The following ARL15 variants were observed in gnomAD, a reference collection of about 807,000 sequenced individuals.
The protein encoded by ARL15 is ARF like GTPase 15.
A neutral mutation model predicts 25.2 loss-of-function variants in ARL15; 19 were observed. The observed-to-expected ratio is 0.75, with a 90% CI of 0.53 to 1.10. The LOEUF (loss-of-function observed/expected upper bound fraction) is 1.10, where lower values mean the gene tolerates loss of function less well. Among genes scored for constraint, ARL15 ranks in the 50% least tolerant of loss-of-function variants. The probability of loss-of-function intolerance (pLI) is 0.00; values close to 1 mark genes in which losing one functional copy is unlikely to be tolerated. For missense variants in ARL15, 220 were observed against 246.0 expected, an observed-to-expected ratio of 0.89 and a Z score of 0.71; for synonymous variants, 94 against 86.8, an observed-to-expected ratio of 1.08 and a Z score of -0.46.
At chr5:53,948,687 A>C (rs1746832951) in intron 4 of ARL15, among the ~76,000 whole-genome samples, 1 of 152,236 alleles carries the variant, frequency 6.6e-6, no homozygotes, top group Admixed American at 6.5e-5. Context: ...AAGACAGTTT[A>C]TTTGATATAT....
chr5:54,035,344 G>A (rs993909531), intron 4 of ARL15, among the ~76,000 whole-genome samples: 4 of 152,102 alleles, frequency 2.6e-5, no homozygotes, highest in Admixed American at 2.0e-4. Context: ...ATTAATGAAT[G>A]ACATGTAGGC....
intron 1 of ARL15, among the ~76,000 whole-genome samples, chr5:54,218,068 G>A (rs188806816): frequency 3.3e-5 from 5 of 152,218 alleles, no homozygotes; most frequent in Admixed American, 2.0e-4. Flanking sequence ...GCCATCTACC[G>A]ACAACTTTTA....
intron 4 of ARL15, among the ~76,000 whole-genome samples, chr5:53,905,607 A>G (rs1745223195): frequency 6.6e-6 from 1 of 152,180 alleles, no homozygotes; most frequent in Admixed American, 6.5e-5. Context: ...ATTTCTTTAG[A>G]GAGCAGGTAA....
intron 4 of ARL15, among the ~76,000 whole-genome samples, chr5:53,961,370 C>T (rs182958141): frequency 9.6e-4 from 145 of 151,778 alleles, no homozygotes; most frequent in Non-Finnish European, 1.5e-3. Flanking sequence ...TGGTGGCACA[C>T]GCCTGTAGTC....
chr5:54,240,214 G>A (rs540880241), intron 1 of ARL15, among the ~76,000 whole-genome samples: 51 of 146,020 alleles, frequency 3.5e-4, no homozygotes, highest in African/African-American at 9.1e-4. Context: ...GCGACAGAGC[G>A]AGACTCCATC....
At chr5:54,126,253 C>A (rs1334638160) in intron 3 of ARL15, among the ~76,000 whole-genome samples, 1 of 152,106 alleles carries the variant, frequency 6.6e-6, no homozygotes, top group Non-Finnish European at 1.5e-5. Flanking sequence ...TCCTGAGCAC[C>A]AATACTCTTA....
At chr5:54,011,997 G>C (rs1749258184) in intron 4 of ARL15, among the ~76,000 whole-genome samples, 1 of 145,364 alleles carries the variant, frequency 6.9e-6, no homozygotes, top group Admixed American at 7.0e-5. Context: ...AACAGAGCAA[G>C]ACTCTGTCTC....
intron 1 of ARL15, among the ~76,000 whole-genome samples, chr5:54,184,439 T>TAAAAAAA (rs527755025): frequency 1.4e-5 from 1 of 69,110 alleles, no homozygotes; most frequent in Non-Finnish European, 2.8e-5. Context: ...ACACTGTCTT[T>TAAAAAAA]AAAAAAAAAA....
chr5:54,037,361 G>C (rs1750201368), intron 4 of ARL15, among the ~76,000 whole-genome samples: 1 of 151,258 alleles, frequency 6.6e-6, no homozygotes, highest in Admixed American at 6.6e-5. Context: ...ATATGTCCAA[G>C]ATAAAGAAAA....
At chr5:53,972,032 A>T (rs1303672840) in intron 4 of ARL15, among the ~76,000 whole-genome samples, 1 of 152,216 alleles carries the variant, frequency 6.6e-6, no homozygotes, top group Non-Finnish European at 1.5e-5. Context: ...GTGAATATAG[A>T]TTTAAAAAGA....
chr5:54,143,721 T>TAAAA (rs59164988), intron 3 of ARL15, among the ~76,000 whole-genome samples: 1 of 151,150 alleles, frequency 6.6e-6, no homozygotes, highest in Non-Finnish European at 1.5e-5. Context: ...CTTTATGCTT[T>TAAAA]AAAAAAAAAG....
chr5:53,934,647 C>G (rs1746300691), intron 4 of ARL15, among the ~76,000 whole-genome samples: 1 of 152,122 alleles, frequency 6.6e-6, no homozygotes, highest in African/African-American at 2.4e-5. Context: ...ATGCGGTAGT[C>G]AAAAGACTTT....
At chr5:53,987,769 A>T (rs1207699328) in intron 4 of ARL15, among the ~76,000 whole-genome samples, 1 of 152,140 alleles carries the variant, frequency 6.6e-6, no homozygotes, top group Non-Finnish European at 1.5e-5. Context: ...TAGGCAACAC[A>T]GGGAGACCCC....
rs1202641397 is a variant in ARL15 at position 54,113,317 on chromosome 5, A to G, written c.347T>C (p.Leu116Ser). The G allele has an allele frequency of 3.7e-6, 6 of 1,613,846 alleles. No homozygotes were observed. The highest frequency in any genetic ancestry group is 3.3e-5 in the Admixed American group (2 of 60,006). Residue 116 changes from leucine (L) to serine (S), a missense_variant, in exon 4 of 5, where the codon TTA becomes TCA. Physicochemically the swap from Leu to Ser is moderately radical, Grantham distance 145 (BLOSUM62 -2). Coordinates refer to ENST00000504924, the MANE Select transcript of ARL15 (RefSeq NM_019087.3). ...VLDSASSEDD[L>S]EAARNELHSA... ...GTGCAGCTCATTTCTAGCAGCTTCT[A>G]AATCATCCTCTGAAGAGGCACTGTC...
intron 1 of ARL15, among the ~76,000 whole-genome samples, chr5:54,278,607 T>C (rs1421765117): frequency 1.3e-5 from 2 of 152,152 alleles, no homozygotes; most frequent in African/African-American, 4.8e-5. Context: ...AAGATTGTTT[T>C]GTTTGTTTGT....
At chr5:54,154,862 C>G (rs1275616699) in intron 2 of ARL15, among the ~76,000 whole-genome samples, 3 of 152,146 alleles carry the variant, frequency 2.0e-5, no homozygotes, top group African/African-American at 4.8e-5. Context: ...GTGGCTCACA[C>G]CTGTAATCCC....
chr5:54,253,451 AT>A (rs1261459194), intron 1 of ARL15, among the ~76,000 whole-genome samples: 1 of 152,210 alleles, frequency 6.6e-6, no homozygotes, highest in Admixed American at 6.5e-5. Flanking sequence ...TGAAGAACTG[AT>A]AAAAACAAAG....
intron 4 of ARL15, among the ~76,000 whole-genome samples, chr5:53,920,586 C>A (rs1451550402): frequency 6.6e-6 from 1 of 151,516 alleles, no homozygotes; most frequent in African/African-American, 2.4e-5. Flanking sequence ...GAGGGAGGAT[C>A]ACTTGAGCCC....
chr5:54,075,185 T>C (rs1751557616), intron 4 of ARL15, among the ~76,000 whole-genome samples: 1 of 151,688 alleles, frequency 6.6e-6, no homozygotes. Flanking sequence ...ATTTAGATGG[T>C]TAAATGAATG....
Sources: allele counts gnomAD v4.1 joint callset (sites outside exome capture counted in the v4.1 genomes callset), GRCh38; gene constraint gnomAD v4.1.1; transcripts MANE v1.5; gene names NCBI Gene and HGNC (gene_info 2026-07-23, HGNC 2026-07-21).